The following CCNT2 variants were observed in gnomAD, a reference collection of about 807,000 sequenced individuals.
CCNT2 encodes the protein cyclin T2.
A neutral mutation model predicts 70.0 loss-of-function variants in CCNT2; 18 were observed. That is an observed-to-expected ratio of 0.26 (90% CI 0.18 to 0.38). The LOEUF is 0.38. Ranked by LOEUF, CCNT2 falls within the 10% of genes least tolerant of loss-of-function variation. The pLI is 1.00. For synonymous variants in CCNT2, 334 were observed against 313.3 expected (o/e 1.07, Z -0.70); for missense variants, 734 against 890.2 (o/e 0.82, Z 2.23).
At chr2:134,949,839 G>T (rs368476822) in intron 7 of CCNT2, among the ~76,000 whole-genome samples, 1 of 149,934 alleles carries the variant, frequency 6.7e-6, no homozygotes, top group African/African-American at 2.5e-5. Context: ...AGTCGCCCAG[G>T]CTATAGAGTG....
chr2:134,947,273 A>T (rs529448637), intron 6 of CCNT2, among the ~76,000 whole-genome samples: 1 of 152,334 alleles, frequency 6.6e-6, no homozygotes, highest in South Asian at 2.1e-4. Context: ...GCAAATGCCT[A>T]TTAAGCCACT....
At position 134,954,559 on chromosome 2, in the gene CCNT2, G is replaced by A. The variant is rs190052933; in HGVS notation, c.2104G>A (p.Glu702Lys). 5.0e-6 allele frequency: 8 copies of A among 1,614,094 alleles called. 1 individual carries two copies. In the Admixed American group the frequency reaches 5.0e-5, roughly 10 times the overall value. ...VETNGPDANH[E>K]YSTSSQHMDY... ...GACCAACGGTCCTGATGCCAATCAC[G>A]AGTACAGTACAAGCAGCCAGCATAT... The change falls in exon 9 of 9, where the codon GAG (glutamate) becomes AAG (lysine). Residue 702 changes from glutamate to lysine, a missense_variant. Glu to Lys is a moderately conservative substitution (Grantham distance 56). Around this residue, in one of 3 missense-constraint regions of CCNT2, gnomAD observed 532 missense variants for 556.9 expected, o/e 0.96. Coordinates refer to ENST00000264157, the MANE Select transcript of CCNT2 (RefSeq NM_058241.3).
intron 2 of CCNT2, among the ~76,000 whole-genome samples, chr2:134,936,182 C>CT (rs1349086428): frequency 6.9e-6 from 1 of 144,218 alleles, no homozygotes; most frequent in Non-Finnish European, 1.5e-5. Context: ...ATAGCATCAT[C>CT]TTTTTGCTTA....
At chr2:134,948,145 G>A (rs1274078888) in intron 7 of CCNT2, among the ~76,000 whole-genome samples, 1 of 151,874 alleles carries the variant, frequency 6.6e-6, no homozygotes, top group East Asian at 1.9e-4. Flanking sequence ...CATAGACCCT[G>A]TCTCTACAAA....
chr2:134,939,454 TTTTA>T (rs1030830002), intron 4 of CCNT2, among the ~76,000 whole-genome samples: 3 of 151,778 alleles, frequency 2.0e-5, no homozygotes, highest in Admixed American at 6.6e-5. Context: ...ACCTTTTTTA[TTTTA>T]TTTATTTATT....
intron 5 of CCNT2, chr2:134,944,589 CA>C (rs2105067895): frequency 7.2e-6 from 7 of 977,762 alleles, no homozygotes; most frequent in Middle Eastern, 5.3e-4. Flanking sequence ...TCATCCAAAA[CA>C]AATATTTAGA....
Position 134,954,571 on chromosome 2 carries a change from A to G in CCNT2, c.2116A>G (p.Ser706Gly), listed in dbSNP as rs138728360. The G allele has an allele frequency of 4.3e-6, 7 of 1,614,174 alleles. No homozygotes were observed. Among genetic ancestry groups the G allele is most frequent in the South Asian group, 1.1e-5 (1 of 91,088 alleles). The change falls in exon 9 of 9, where the codon AGC (serine) becomes GGC (glycine). Residue 706 changes from serine to glycine, a missense_variant. Physicochemically the swap from Ser to Gly is moderately conservative, Grantham distance 56. Coordinates refer to ENST00000264157, the MANE Select transcript of CCNT2 (RefSeq NM_058241.3). ...GPDANHEYST[S>G]SQHMDYKDTF... ...TGATGCCAATCACGAGTACAGTACAAGCAGCCAGCATATGGACTACAAAGA... is the reference window on the plus strand; with the variant it reads ...TGATGCCAATCACGAGTACAGTACAGGCAGCCAGCATATGGACTACAAAGA...
At chr2:134,942,466 T>C in intron 4 of CCNT2, 146 bp from the exon 5 acceptor site, 1 of 429,318 alleles carries the variant, frequency 2.3e-6, no homozygotes, top group Non-Finnish European at 4.1e-6. Flanking sequence ...ATCTTGTCAT[T>C]GGAAAAGTAA....
intron 2 of CCNT2, among the ~76,000 whole-genome samples, chr2:134,923,946 C>T (rs369445593): frequency 4.6e-5 from 7 of 152,162 alleles, no homozygotes; most frequent in Non-Finnish European, 8.8e-5. Context: ...TTTATTTGCC[C>T]GCCTCATTGC....
chr2:134,935,595 G>T, intron 2 of CCNT2, among the ~76,000 whole-genome samples: 1 of 152,094 alleles, frequency 6.6e-6, no homozygotes, highest in East Asian at 1.9e-4. Context: ...CTCAAATCTT[G>T]ACATTTAGAA....
chr2:134,932,617 A>G (rs1005095498), intron 2 of CCNT2, among the ~76,000 whole-genome samples: 1 of 152,232 alleles, frequency 6.6e-6, no homozygotes, highest in African/African-American at 2.4e-5. Flanking sequence ...TATTTGAGTA[A>G]GAAAACTAAA....
chr2:134,928,155 T>C (rs563066113), intron 2 of CCNT2, among the ~76,000 whole-genome samples: 1 of 150,794 alleles, frequency 6.6e-6, no homozygotes, highest in Admixed American at 6.6e-5. Context: ...AGAGACGGGG[T>C]TTCACCATAT....
chr2:134,954,469 G>T lies in CCNT2; in HGVS notation c.2014G>T (p.Val672Phe). The change falls in exon 9 of 9, where the codon GTC (valine) becomes TTC (phenylalanine). Residue 672 changes from valine to phenylalanine, a missense_variant. This residue lies in a region of CCNT2 where 532 missense variants were observed against 556.9 expected (regional missense o/e 0.96). Transcript: ENST00000264157. ...FNHPLPPPPP[V>F]TYQVGYGHLS... ...CCATCCCTTACCCCCTCCTCCCCCT[G>T]TCACATACCAGGTGGGCTACGGACA... 1 of 1,614,040 alleles carries T rather than the reference G, an allele frequency of 6.2e-7. No homozygotes were observed. The highest frequency in any genetic ancestry group is 8.5e-7 in the Non-Finnish European group (1 of 1,179,998).
intron 2 of CCNT2, chr2:134,920,324 C>T (rs1188434253): frequency 6.6e-6 from 1 of 152,456 alleles, no homozygotes; most frequent in African/African-American, 2.4e-5. Context: ...TTTGAAAGAG[C>T]TATTTAGTAG....
At chr2:134,945,959 G>A in intron 5 of CCNT2, 142 bp from the exon 6 acceptor site, 1 of 1,558,704 alleles carries the variant, frequency 6.4e-7, no homozygotes, top group East Asian at 2.3e-5. Context: ...GAAAATGATG[G>A]CGCTCTTGTG....
At position 134,954,723 on chromosome 2, in the gene CCNT2, T is replaced by A; in HGVS notation, c.*75T>A. 1 of 934,320 alleles carries A rather than the reference T, an allele frequency of 1.1e-6. No homozygotes were observed. Among genetic ancestry groups the A allele is most frequent in the Non-Finnish European group, 1.7e-6 (1 of 594,362 alleles). The allele number at this position is 934,320 out of a possible 1,614,324, so 57.9% of individuals were successfully genotyped here. A position where few individuals can be genotyped will look rare whatever the true frequency, so the allele number is the denominator to read the frequency against. On this transcript the variant is annotated 3_prime_UTR_variant, in exon 9 of 9. Transcript: ENST00000264157. ...TAGAATGGAAAAATTCCTTCTGATC[T>A]AGCAGTGGTAACCCCTGCTGTTGCT...
chr2:134,936,668 C>T (rs532431494), intron 2 of CCNT2, among the ~76,000 whole-genome samples, 173 bp from the exon 3 acceptor site: 3 of 151,918 alleles, frequency 2.0e-5, no homozygotes, highest in African/African-American at 2.4e-5. Context: ...GCAGGAGAAT[C>T]GCTTGAACCT....
intron 4 of CCNT2, among the ~76,000 whole-genome samples, chr2:134,939,926 TGTTA>T: frequency 6.6e-6 from 1 of 152,352 alleles, no homozygotes; most frequent in Non-Finnish European, 1.5e-5. Flanking sequence ...TAAAGTCATA[TGTTA>T]GTTCTGGAAG....
At chr2:134,926,258 T>C (rs1680293916) in intron 2 of CCNT2, among the ~76,000 whole-genome samples, 1 of 152,232 alleles carries the variant, frequency 6.6e-6, no homozygotes, top group Non-Finnish European at 1.5e-5. Context: ...TTAGCTTTCC[T>C]GAACTTTAAA....
Sources: allele counts gnomAD v4.1 joint callset (sites outside exome capture counted in the v4.1 genomes callset), GRCh38; gene constraint gnomAD v4.1.1; regional missense constraint gnomAD v4.1.1; transcripts MANE v1.5; gene names NCBI Gene and HGNC (gene_info 2026-07-23, HGNC 2026-07-21).